MRTFB: variants seen among roughly 807,000 people sequenced by gnomAD.
The protein encoded by MRTFB is myocardin related transcription factor B, also known as myocardin-related transcription factor B.
Under a neutral mutation model 104.2 loss-of-function variants are expected in MRTFB, and 29 were observed. The observed-to-expected ratio is 0.28, with a 90% CI of 0.21 to 0.38. The LOEUF is 0.38. Ranked by LOEUF, MRTFB falls within the 10% of genes least tolerant of loss-of-function variation. MRTFB has a pLI of 1.00. For missense variants in MRTFB, 1,270 were observed against 1,341.6 expected (o/e 0.95, Z 0.83); for synonymous variants, 535 against 519.5 (o/e 1.03, Z -0.41).
chr16:14,252,196 C>T (rs879239259), intron 14 of MRTFB, among the ~76,000 whole-genome samples, 169 bp from the exon 15 acceptor site: 5 of 152,216 alleles, frequency 3.3e-5, no homozygotes, highest in South Asian at 4.2e-4. Flanking sequence ...GATGATCGTT[C>T]GCACATAAGG....
At chr16:14,068,578 C>T (rs1057316755), upstream of MRTFB, among the ~76,000 whole-genome samples, 36 of 151,930 alleles carry the variant, frequency 2.4e-4, no homozygotes, top group African/African-American at 6.8e-4. Flanking sequence ...TGTGTCGTTG[C>T]GTGTTGTGTG....
chr16:14,245,333 G>A (rs904546380), intron 10 of MRTFB, among the ~76,000 whole-genome samples, 195 bp from the exon 11 acceptor site: 2 of 152,020 alleles, frequency 1.3e-5, no homozygotes, highest in Non-Finnish European at 2.9e-5. Context: ...CTAAATTTCC[G>A]TCACGCTAGC....
the MRTFB span, among the ~76,000 whole-genome samples, chr16:14,025,180 TA>T: frequency 6.6e-6 from 1 of 152,128 alleles, no homozygotes; most frequent in African/African-American, 2.4e-5. Context: ...AAGGATGAAA[TA>T]AATGTTTTCA....
At chr16:14,103,653 A>G (rs1345398483) in intron 2 of MRTFB, among the ~76,000 whole-genome samples, 2 of 152,170 alleles carry the variant, frequency 1.3e-5, no homozygotes, top group Non-Finnish European at 2.9e-5. Context: ...GTTTGCTACA[A>G]ATATAGTCTG....
chr16:14,140,903 T>C (rs949556072), intron 3 of MRTFB, 143 bp downstream of exon 3: 4 of 735,278 alleles, frequency 5.4e-6, no homozygotes, highest in Non-Finnish European at 8.5e-6. Context: ...CTGGATGGTT[T>C]TTAATAACAG....
chr16:14,238,602 A>G (rs1015055406), intron 9 of MRTFB, among the ~76,000 whole-genome samples: 4 of 152,222 alleles, frequency 2.6e-5, no homozygotes, highest in African/African-American at 9.6e-5. Flanking sequence ...CCTGGAAGCA[A>G]TGAAGTCGAG....
At chr16:14,072,935 C>CA (rs1441165998) in intron 1 of MRTFB, among the ~76,000 whole-genome samples, 1 of 152,142 alleles carries the variant, frequency 6.6e-6, no homozygotes, top group Non-Finnish European at 1.5e-5. Context: ...TAACAATTAC[C>CA]ATTGGTAATA....
intron 1 of MRTFB, among the ~76,000 whole-genome samples, chr16:14,077,397 A>T (rs2034127130): frequency 6.6e-6 from 1 of 152,046 alleles, no homozygotes; most frequent in Non-Finnish European, 1.5e-5. Context: ...TTCTGGATGT[A>T]TTGGGGTACA....
the MRTFB span, among the ~76,000 whole-genome samples, chr16:14,004,826 C>A: frequency 2.0e-5 from 3 of 152,272 alleles, no homozygotes; most frequent in Non-Finnish European, 2.9e-5. Context: ...TGACAGCTTT[C>A]TCCAGAAGCT....
chr16:14,106,413 T>C (rs933255946), intron 2 of MRTFB, among the ~76,000 whole-genome samples: 3 of 152,200 alleles, frequency 2.0e-5, no homozygotes, highest in Non-Finnish European at 4.4e-5. Flanking sequence ...TTCAAATCAC[T>C]ATACTTCTTA....
At chr16:14,239,924 G>T (rs948985097) in intron 9 of MRTFB, among the ~76,000 whole-genome samples, 1 of 152,182 alleles carries the variant, frequency 6.6e-6, no homozygotes, top group Non-Finnish European at 1.5e-5. Context: ...CTAGGAGATT[G>T]TATGTGTAAG....
chr16:14,232,903 T>A (rs1189393086), intron 8 of MRTFB, among the ~76,000 whole-genome samples: 1 of 152,212 alleles, frequency 6.6e-6, no homozygotes, highest in Non-Finnish European at 1.5e-5. Flanking sequence ...AGATTTTGAT[T>A]GTTGGTGTAG....
chr16:14,089,833 A>T (rs1445559927), intron 2 of MRTFB, among the ~76,000 whole-genome samples: 1 of 152,196 alleles, frequency 6.6e-6, no homozygotes, highest in Non-Finnish European at 1.5e-5. Context: ...AGCCATCCTA[A>T]TGAATGTGAA....
chr16:14,054,988 G>C, the MRTFB span, among the ~76,000 whole-genome samples: 20 of 152,318 alleles, frequency 1.3e-4, no homozygotes, highest in Middle Eastern at 3.4e-3. Flanking sequence ...CATTCCCAAA[G>C]ACCCTCCACC....
the MRTFB span, among the ~76,000 whole-genome samples, chr16:14,020,102 G>C: frequency 2.6e-5 from 4 of 151,946 alleles, no homozygotes; most frequent in Non-Finnish European, 5.9e-5. Context: ...CCTCATTCTG[G>C]CCAAACTGGA....
At chr16:14,163,787 C>G (rs989016495) in intron 3 of MRTFB, among the ~76,000 whole-genome samples, 3 of 149,446 alleles carry the variant, frequency 2.0e-5, no homozygotes, top group Non-Finnish European at 4.4e-5. Flanking sequence ...GAGCTGAGAT[C>G]ATGCCATTGC....
intron 6 of MRTFB, among the ~76,000 whole-genome samples, chr16:14,216,282 T>C (rs570019255): frequency 8.5e-5 from 13 of 152,338 alleles, no homozygotes; most frequent in African/African-American, 2.2e-4. Context: ...GGGAGTTTCA[T>C]TGAAAGACCT....
chr16:14,124,490 G>C (rs1398152887), intron 2 of MRTFB, among the ~76,000 whole-genome samples: 5 of 152,182 alleles, frequency 3.3e-5, no homozygotes, highest in African/African-American at 1.2e-4. Context: ...GTTGAATTTT[G>C]TCAAAGGCAT....
At chr16:14,255,092 T>C (rs1433547127) in intron 15 of MRTFB, among the ~76,000 whole-genome samples, 2 of 152,226 alleles carry the variant, frequency 1.3e-5, no homozygotes, top group African/African-American at 4.8e-5. Context: ...AACCTGAAGA[T>C]AGATCATAAC....
Sources: gnomAD v4.1 joint callset for allele counts (sites outside exome capture counted in the v4.1 genomes callset) on GRCh38, gnomAD v4.1.1 for gene constraint, MANE v1.5 for transcripts, NCBI Gene and HGNC (gene_info 2026-07-23, HGNC 2026-07-21) for gene names.